EPHB2: variants seen among roughly 807,000 people sequenced by gnomAD.
EPHB2 encodes the protein ephrin type-B receptor 2.
In EPHB2, 18 loss-of-function variants were observed where a neutral mutation model predicts 96.4. That is an observed-to-expected ratio of 0.19 (90% CI 0.13 to 0.28). The LOEUF (loss-of-function observed/expected upper bound fraction) is 0.28, where lower values mean the gene tolerates loss of function less well. Ranked by LOEUF, EPHB2 falls within the 10% of genes least tolerant of loss-of-function variation. The pLI is 1.00. For synonymous variants in EPHB2, 506 were observed against 534.1 expected (o/e 0.95, Z 0.72); for missense variants, 989 against 1,355.4 (o/e 0.73, Z 4.25).
intron 1 of EPHB2, among the ~76,000 whole-genome samples, chr1:22,740,618 T>C (rs1313413365): frequency 6.6e-6 from 1 of 152,214 alleles, no homozygotes; most frequent in Non-Finnish European, 1.5e-5. Context: ...CCCACTGGTC[T>C]CACCAGGGCC....
chr1:22,781,337 GAA>G, intron 1 of EPHB2, 82 bp from the exon 2 acceptor site: 5 of 919,288 alleles, frequency 5.4e-6, no homozygotes, highest in East Asian at 2.7e-5. Context: ...AAAAAAAAAA[GAA>G]GAAGAAGGAT....
chr1:22,772,561 C>T (rs913570680), intron 1 of EPHB2, among the ~76,000 whole-genome samples: 2 of 152,212 alleles, frequency 1.3e-5, no homozygotes, highest in Admixed American at 6.5e-5. Context: ...AGGAGCTAGT[C>T]GGGGGCTTCT....
chr1:22,834,304 C>A (rs965883274), intron 3 of EPHB2, among the ~76,000 whole-genome samples: 1 of 152,162 alleles, frequency 6.6e-6, no homozygotes, highest in Non-Finnish European at 1.5e-5. Context: ...GACAGAGTGA[C>A]AAGTGTGTAG....
chr1:22,774,140 C>T (rs978022000), intron 1 of EPHB2, among the ~76,000 whole-genome samples: 4 of 152,172 alleles, frequency 2.6e-5, no homozygotes, highest in Non-Finnish European at 5.9e-5. Flanking sequence ...TCCCAGCTCA[C>T]ATGCCACCTC....
chr1:22,821,524 C>CAAAAAAA lies in EPHB2; in HGVS notation c.811+36454_811+36455insAAAAAAA, dbSNP rs1188821168. On this transcript the variant is annotated intron_variant, in intron 3 of 15. Transcript: ENST00000374630. Reference sequence around the variant, plus strand: ...AGGAAGGCACTCACCCAGAATTGAACAAAAAATGGGGGCAGAATCATGTTC... The same window carrying CAAAAAAA: ...AGGAAGGCACTCACCCAGAATTGAACAAAAAAAAAAAAATGGGGGCAGAATCATGTTC... 5.9e-5 allele frequency among the ~76,000 whole-genome samples: 9 copies of CAAAAAAA among 152,216 alleles called. No individual in the cohort carries two copies. The East Asian group carries it at 1.7e-3, about 29-fold the overall frequency.
chr1:22,794,883 A>C (rs1328246846), intron 3 of EPHB2, among the ~76,000 whole-genome samples: 2 of 152,228 alleles, frequency 1.3e-5, no homozygotes, highest in Non-Finnish European at 2.9e-5. Flanking sequence ...CTGCCTTTTC[A>C]TCTGGCTGGG....
At chr1:22,749,202 A>G (rs565743888) in intron 1 of EPHB2, among the ~76,000 whole-genome samples, 1 of 151,706 alleles carries the variant, frequency 6.6e-6, no homozygotes, top group African/African-American at 2.4e-5. Flanking sequence ...TGTATTTTTA[A>G]TAGAGGCAGG....
intron 1 of EPHB2, among the ~76,000 whole-genome samples, chr1:22,721,656 TC>T (rs758313120): frequency 6.6e-6 from 1 of 152,158 alleles, no homozygotes; most frequent in African/African-American, 2.4e-5. Context: ...TCACTCTGTC[TC>T]ATAGGCTGGA....
At chr1:22,821,700 T>C (rs891097977) in intron 3 of EPHB2, among the ~76,000 whole-genome samples, 9 of 152,240 alleles carry the variant, frequency 5.9e-5, no homozygotes, top group African/African-American at 1.9e-4. Context: ...CTTAGGGTAG[T>C]TGCCCTTTGG....
intron 6 of EPHB2, among the ~76,000 whole-genome samples, chr1:22,888,327 C>T (rs1209121401): frequency 2.6e-5 from 4 of 152,216 alleles, no homozygotes; most frequent in African/African-American, 9.7e-5. Flanking sequence ...AGGCATGAGC[C>T]ACTGCGCCTG....
At chr1:22,781,918 G>A (rs905249002) in intron 2 of EPHB2, among the ~76,000 whole-genome samples, 3 of 152,090 alleles carry the variant, frequency 2.0e-5, no homozygotes, top group Admixed American at 6.5e-5. Context: ...GAAAGGTGTA[G>A]CCACCTGCCC....
intron 3 of EPHB2, among the ~76,000 whole-genome samples, chr1:22,788,747 G>GTTTTTTTTTTTTTTTTTTTTTTTTTTT (rs1302258024): frequency 3.3e-5 from 3 of 90,692 alleles, no homozygotes; most frequent in African/African-American, 1.2e-4. Flanking sequence ...TTTGTCTTTT[G>GTTTTTTTTTTTTTTTTTTTTTTTTTTT]TTTTTGTTTT....
intron 3 of EPHB2, among the ~76,000 whole-genome samples, chr1:22,824,847 G>A (rs953980150): frequency 2.6e-5 from 4 of 152,220 alleles, no homozygotes; most frequent in Non-Finnish European, 4.4e-5. Flanking sequence ...CCGTCCCAGG[G>A]CACCTGTGGC....
At chr1:22,825,880 T>C (rs988068532) in intron 3 of EPHB2, among the ~76,000 whole-genome samples, 14 of 152,112 alleles carry the variant, frequency 9.2e-5, no homozygotes, top group Admixed American at 7.9e-4. Flanking sequence ...GAGGATCGTC[T>C]GGGGGGATGC....
chr1:22,827,425 C>T (rs925557137), intron 3 of EPHB2, among the ~76,000 whole-genome samples: 8 of 152,320 alleles, frequency 5.3e-5, no homozygotes, highest in Non-Finnish European at 1.0e-4. Context: ...GTGTATTCTC[C>T]GCAAGGGTCC....
intron 1 of EPHB2, among the ~76,000 whole-genome samples, chr1:22,750,595 C>T (rs1031724639): frequency 2.0e-5 from 3 of 152,230 alleles, no homozygotes; most frequent in African/African-American, 7.2e-5. Context: ...GTCTCTAACA[C>T]CTCTCTGACA....
rs952309870 is a variant in EPHB2 at position 22,790,570 on chromosome 1, T to G, written c.811+5494T>G. On this transcript the variant is annotated intron_variant, in intron 3 of 15. Coordinates refer to ENST00000374630, the MANE Select transcript of EPHB2 (RefSeq NM_017449.5). This position sits in a 1 kb window ranked among gnomAD's most constrained non-coding sequence, Gnocchi z 4.0. ...CTGCCCCAGTTTCTCCAAGCCTGCC[T>G]GTCTCCAGATCCCTGTTCTCCTTGG... is the stretch of plus-strand genomic sequence containing the variant. Among the ~76,000 whole-genome samples, 1 of 152,196 alleles carries G rather than the reference T, an allele frequency of 6.6e-6. No homozygotes were observed. The highest frequency in any genetic ancestry group is 2.4e-5 in the African/African-American group (1 of 41,462).
rs1335895852 is a variant in EPHB2, at chr1:22,914,696, T to A, written c.*1126T>A. 2.0e-5 allele frequency: 3 copies of A among 152,634 alleles called. No individual in the cohort carries two copies. Among genetic ancestry groups the A allele is most frequent in the African/African-American group, 7.2e-5 (3 of 41,450 alleles). 9.5% of individuals were successfully genotyped at this position (152,634 alleles called of 1,614,324 possible). A position where few individuals can be genotyped will look rare whatever the true frequency, so the allele number is the denominator to read the frequency against. On this transcript the variant is annotated 3_prime_UTR_variant, in exon 16 of 16. Transcript: ENST00000374630. ...TTATATGCACATTTCTGGATTTTTT[T>A]ATACGGTTTTCATTGACACTCTTCC...
At position 22,913,827 on chromosome 1, in the gene EPHB2, AG is replaced by A; in HGVS notation, c.*259del. The A allele has an allele frequency of 6.2e-7, 1 of 1,610,676 alleles. No homozygotes were observed. The highest frequency in any genetic ancestry group is 8.5e-7 in the Non-Finnish European group (1 of 1,178,684). ...GAAATACAAGGAATATTTTTTAAAG[AG>A]GATTCTCATAAGGAAAGCAATGACT... is the stretch of plus-strand genomic sequence containing the variant. On this transcript the variant is annotated 3_prime_UTR_variant, in exon 16 of 16. Transcript: ENST00000374630. This position sits in a 1 kb window ranked among gnomAD's most constrained non-coding sequence, Gnocchi z 4.1.
Sources: allele counts gnomAD v4.1 joint callset (sites outside exome capture counted in the v4.1 genomes callset), GRCh38; gene constraint gnomAD v4.1.1; non-coding constraint Gnocchi (gnomAD v3.1); transcripts MANE v1.5; gene names NCBI Gene and HGNC (gene_info 2026-07-23, HGNC 2026-07-21).